Variants in CNTN4 observed in about 807,000 individuals in gnomAD.
The protein encoded by CNTN4 is contactin-4.
Under a neutral mutation model 122.5 loss-of-function variants are expected in CNTN4, and 77 were observed. That is an observed-to-expected ratio of 0.63 (90% CI 0.52 to 0.76). The LOEUF is 0.76. Ranked by LOEUF, CNTN4 falls within the 30% of genes least tolerant of loss-of-function variation. CNTN4 has a pLI of 0.00. For missense variants in CNTN4, 1,256 were observed against 1,259.1 expected (o/e 1.00, Z 0.04); for synonymous variants, 512 against 447.0 (o/e 1.15, Z -1.83).
At chr3:2,614,135 G>A (rs1242581575) in intron 4 of CNTN4, among the ~76,000 whole-genome samples, 1 of 152,140 alleles carries the variant, frequency 6.6e-6, no homozygotes. Context: ...GGTCAAGGAA[G>A]TCCTCTCTGA....
intron 4 of CNTN4, among the ~76,000 whole-genome samples, chr3:2,699,849 A>T (rs546688815): frequency 6.6e-6 from 1 of 152,276 alleles, no homozygotes; most frequent in East Asian, 1.9e-4. Flanking sequence ...TGTGTTGATT[A>T]TTGGCATTTT....
intron 3 of CNTN4, among the ~76,000 whole-genome samples, chr3:2,360,838 C>T (rs888574615): frequency 6.6e-6 from 1 of 152,132 alleles, no homozygotes; most frequent in African/African-American, 2.4e-5. Flanking sequence ...ATGGGGATTA[C>T]AATTCAAGAT....
At chr3:2,275,249 A>C (rs1021052617) in intron 2 of CNTN4, among the ~76,000 whole-genome samples, 2 of 152,180 alleles carry the variant, frequency 1.3e-5, no homozygotes, top group Admixed American at 6.5e-5. Context: ...CACTCTTTTC[A>C]TGTGGACTTT....
At chr3:2,751,524 G>A (rs1281130315) in intron 6 of CNTN4, among the ~76,000 whole-genome samples, 1 of 152,056 alleles carries the variant, frequency 6.6e-6, no homozygotes, top group Non-Finnish European at 1.5e-5. Flanking sequence ...AAACCAAGTT[G>A]AATACTTCAA....
chr3:2,785,818 A>G, intron 6 of CNTN4, among the ~76,000 whole-genome samples: 1 of 150,606 alleles, frequency 6.6e-6, no homozygotes, highest in South Asian at 2.1e-4. Flanking sequence ...GCCTGGACTC[A>G]TGGCCCAAAG....
chr3:2,292,426 G>T (rs1353332916), intron 2 of CNTN4, among the ~76,000 whole-genome samples: 3 of 152,086 alleles, frequency 2.0e-5, no homozygotes, highest in Admixed American at 1.3e-4. Flanking sequence ...TTGTTTTATT[G>T]AATTTTTCAG....
At chr3:2,198,506 A>G (rs1432422639) in intron 2 of CNTN4, among the ~76,000 whole-genome samples, 1 of 152,210 alleles carries the variant, frequency 6.6e-6, no homozygotes, top group South Asian at 2.1e-4. Context: ...GAGATATGTT[A>G]TATCAGAATG....
intron 13 of CNTN4, among the ~76,000 whole-genome samples, chr3:2,953,250 G>A (rs2094764403): frequency 6.6e-6 from 1 of 151,984 alleles, no homozygotes; most frequent in Non-Finnish European, 1.5e-5. Context: ...TCCCCTAACT[G>A]GTAGCCTTTC....
chr3:3,024,398 A>AC (rs1698553608), intron 14 of CNTN4, among the ~76,000 whole-genome samples: 1 of 151,164 alleles, frequency 6.6e-6, no homozygotes, highest in East Asian at 1.9e-4. Flanking sequence ...AAAAAAAAAA[A>AC]AAAAAAAAAA....
At chr3:2,135,580 A>G (rs549101931) in intron 2 of CNTN4, among the ~76,000 whole-genome samples, 1 of 151,552 alleles carries the variant, frequency 6.6e-6, no homozygotes, top group Non-Finnish European at 1.5e-5. Context: ...TAATCAGCGC[A>G]TATTTGTTGT....
chr3:2,102,559 C>G (rs1159089886), intron 2 of CNTN4, among the ~76,000 whole-genome samples: 1 of 152,142 alleles, frequency 6.6e-6, no homozygotes, highest in Non-Finnish European at 1.5e-5. Flanking sequence ...CATGGCAGTA[C>G]TCCTTCAAAG....
chr3:2,222,731 T>C (rs1291412813), intron 2 of CNTN4, among the ~76,000 whole-genome samples: 1 of 152,048 alleles, frequency 6.6e-6, no homozygotes, highest in Non-Finnish European at 1.5e-5. Flanking sequence ...GTAAAACTTA[T>C]CATTATAAAT....
intron 3 of CNTN4, among the ~76,000 whole-genome samples, chr3:2,453,806 A>C (rs2048911146): frequency 6.6e-6 from 1 of 152,152 alleles, no homozygotes; most frequent in Non-Finnish European, 1.5e-5. Context: ...ACATAGCCCA[A>C]ACTACAAGTC....
intron 2 of CNTN4, among the ~76,000 whole-genome samples, chr3:2,287,663 A>C (rs991948035): frequency 2.3e-5 from 1 of 42,918 alleles, no homozygotes; most frequent in Non-Finnish European, 5.3e-5. Flanking sequence ...AAGAAGAAGA[A>C]GAAGAAGAAG....
At chr3:2,905,060 A>G in intron 12 of CNTN4, among the ~76,000 whole-genome samples, 1 of 152,212 alleles carries the variant, frequency 6.6e-6, no homozygotes, top group East Asian at 1.9e-4. Context: ...ATGGCTTAAA[A>G]CCACTCTGCA....
At position 3,057,362 on chromosome 3, in the gene CNTN4, C is replaced by T. The variant is rs939573956; in HGVS notation, c.*1142C>T. The T allele has an allele frequency of 1.1e-4, 17 of 152,578 alleles. No homozygotes were observed. The highest frequency in any genetic ancestry group is 3.9e-4 in the African/African-American group (16 of 41,434). The allele number at this position is 152,578 out of a possible 1,614,324, so 9.5% of individuals were successfully genotyped here. On this transcript the variant is annotated 3_prime_UTR_variant, in exon 25 of 25. Transcript: ENST00000418658. Reference sequence around the variant, plus strand: ...ACAATTGTATGGTTTCTTGATGATTCTGTTTTGCAATAGGTAGCCTAGTTG... The same window carrying T: ...ACAATTGTATGGTTTCTTGATGATTTTGTTTTGCAATAGGTAGCCTAGTTG...
chr3:2,990,581 C>A (rs1446367721), intron 14 of CNTN4, among the ~76,000 whole-genome samples: 1 of 152,142 alleles, frequency 6.6e-6, no homozygotes, highest in African/African-American at 2.4e-5. Context: ...CTCTATTTCC[C>A]ATCAGAGTTT....
At chr3:2,829,266 C>G (rs895680729) in intron 7 of CNTN4, among the ~76,000 whole-genome samples, 3 of 152,164 alleles carry the variant, frequency 2.0e-5, no homozygotes, top group African/African-American at 7.2e-5. Flanking sequence ...CATTAAGCCT[C>G]CTGTTTCACC....
At chr3:2,129,016 AG>A (rs1448312352) in intron 2 of CNTN4, among the ~76,000 whole-genome samples, 2 of 152,208 alleles carry the variant, frequency 1.3e-5, no homozygotes, top group East Asian at 3.9e-4. Flanking sequence ...GAGGAACTAC[AG>A]ACTAACATTT....
Sources: allele counts gnomAD v4.1 joint callset (sites outside exome capture counted in the v4.1 genomes callset), GRCh38; gene constraint gnomAD v4.1.1; transcripts MANE v1.5; gene names NCBI Gene and HGNC (gene_info 2026-07-23, HGNC 2026-07-21).